PGGT1B: variants seen among roughly 807,000 people sequenced by gnomAD.
PGGT1B encodes protein geranylgeranyltransferase type I subunit beta, also known as geranylgeranyl transferase type-1 subunit beta.
PGGT1B carries 30 observed loss-of-function variants against 46.1 expected under a neutral mutation model. The observed-to-expected ratio is 0.65, with a 90% CI of 0.49 to 0.88. The LOEUF (loss-of-function observed/expected upper bound fraction) is 0.88. PGGT1B is among the 40% of genes least tolerant of loss of function. PGGT1B has a pLI of 0.00. For synonymous variants in PGGT1B, 170 were observed against 160.0 expected (o/e 1.06, Z -0.47); for missense variants, 376 against 455.9 (o/e 0.82, Z 1.60).
chr5:115,218,083 T>A (rs999343469), intron 7 of PGGT1B, among the ~76,000 whole-genome samples: 4 of 151,714 alleles, frequency 2.6e-5, no homozygotes, highest in Non-Finnish European at 5.9e-5. Flanking sequence ...TTATATAGCA[T>A]TGGAAGGTAG....
chr5:115,227,849 T>C (rs1756837077), intron 6 of PGGT1B, among the ~76,000 whole-genome samples: 1 of 152,198 alleles, frequency 6.6e-6, no homozygotes. Context: ...GTATGTAAAG[T>C]ATCAGATGGT....
rs1438211704 is a variant in PGGT1B at position 115,211,755 on chromosome 5, C to G, written c.*647G>C. The G allele has an allele frequency of 6.6e-6, 1 of 152,106 alleles. No individual in the cohort carries two copies. Among genetic ancestry groups the G allele is most frequent in the Non-Finnish European group, 1.5e-5 (1 of 68,002 alleles). 9.4% of individuals were successfully genotyped at this position (152,106 alleles called of 1,614,324 possible). The stretch of plus-strand genomic sequence containing the variant: ...AGTTAAGTTGCTTTTCCCTCAGTTA[C>G]ATAATAGTTGTCTTCAAACAATCTC... On this transcript the variant is annotated 3_prime_UTR_variant, in exon 9 of 9. Coordinates refer to ENST00000419445, the MANE Select transcript of PGGT1B (RefSeq NM_005023.4).
intron 1 of PGGT1B, 179 bp downstream of exon 1, chr5:115,262,533 G>C (rs1748606798): frequency 4.5e-6 from 3 of 669,104 alleles, no homozygotes; most frequent in African/African-American, 1.8e-5. Context: ...CAGCCTTCCA[G>C]ACCTTCCCAC....
intron 3 of PGGT1B, among the ~76,000 whole-genome samples, chr5:115,241,101 G>A (rs1019548021): frequency 3.3e-5 from 5 of 152,104 alleles, no homozygotes; most frequent in South Asian, 4.1e-4. Context: ...CCTTTAGAAG[G>A]GCTTTTTCTT....
intron 8 of PGGT1B, among the ~76,000 whole-genome samples, chr5:115,214,704 G>C (rs2126987187): frequency 6.6e-6 from 1 of 152,242 alleles, no homozygotes; most frequent in East Asian, 1.9e-4. Flanking sequence ...TCCGGAAAAA[G>C]CCTCAAGAAC....
chr5:115,255,057 A>T (rs1469079147), intron 1 of PGGT1B, among the ~76,000 whole-genome samples: 1 of 152,148 alleles, frequency 6.6e-6, no homozygotes. Flanking sequence ...AACTTTTCTA[A>T]TCAGCTTCCA....
At chr5:115,234,208 CAA>C (rs199987977) in intron 5 of PGGT1B, among the ~76,000 whole-genome samples, 2,759 of 71,670 alleles carry the variant, frequency 0.038, 80 homozygotes, top group African/African-American at 0.21. Context: ...GTGAAAAAAG[CAA>C]ACAGCAAAAA....
intron 1 of PGGT1B, among the ~76,000 whole-genome samples, chr5:115,258,630 GCAA>G (rs886718039): frequency 3.3e-5 from 5 of 151,986 alleles, no homozygotes; most frequent in Admixed American, 6.6e-5. Flanking sequence ...TTGTCCATTT[GCAA>G]CAACAACAAC....
At chr5:115,245,243 G>C (rs761567474) in intron 2 of PGGT1B, among the ~76,000 whole-genome samples, 10 of 152,182 alleles carry the variant, frequency 6.6e-5, no homozygotes, top group Non-Finnish European at 1.0e-4. Context: ...TAAAATATCT[G>C]CTTCTGAGTG....
At chr5:115,215,217 T>TC (rs1756377389) in intron 8 of PGGT1B, among the ~76,000 whole-genome samples, 1 of 152,118 alleles carries the variant, frequency 6.6e-6, no homozygotes, top group Admixed American at 6.6e-5. Flanking sequence ...AGGCTGGTCT[T>TC]CAACTCCTGA....
chr5:115,236,241 A>T, intron 5 of PGGT1B, 149 bp downstream of exon 5: 1 of 572,712 alleles, frequency 1.7e-6, no homozygotes, highest in Non-Finnish European at 3.1e-6. Context: ...TTATTTCTTT[A>T]TTGTGTTCTG....
In PGGT1B at chr5:115,212,690, T is replaced by G; in HGVS notation, c.953-107A>C. ...GCCCATCACTCCATTAAAAGTAAGT[T>G]TAGAGAAATGCTAATATAGTTTTAA... is the stretch of plus-strand genomic sequence containing the variant. On this transcript the variant is annotated intron_variant, in intron 8 of 8. Transcript: ENST00000419445. 4.3e-6 allele frequency: 3 copies of G among 695,200 alleles called. No homozygotes were observed. In the South Asian group the frequency reaches 7.3e-5, roughly 17 times the overall value. The allele number at this position is 695,200 out of a possible 1,614,324, so 43.1% of individuals were successfully genotyped here.
Position 115,228,699 on chromosome 5 carries a change from G to A in PGGT1B, c.658+2277C>T, listed in dbSNP as rs151337835. Among the ~76,000 whole-genome samples the A allele has an allele frequency of 2.9e-3, 440 of 151,990 alleles. 5 individuals are homozygous for A. The highest frequency in any genetic ancestry group is 0.01 in the African/African-American group (415 of 41,460). ...TTCAGAGAAAAGAAAGCTGAACTGAGGTAAAGAAGTGACAGGAAGAAACAA... is the reference window on the plus strand; with the variant it reads ...TTCAGAGAAAAGAAAGCTGAACTGAAGTAAAGAAGTGACAGGAAGAAACAA... On this transcript the variant is annotated intron_variant, in intron 6 of 8. Transcript: ENST00000419445.
chr5:115,245,215 CAT>C (rs907076560), intron 2 of PGGT1B, among the ~76,000 whole-genome samples: 1 of 152,140 alleles, frequency 6.6e-6, no homozygotes, highest in Admixed American at 6.5e-5. Flanking sequence ...TAGAGGCAGA[CAT>C]ATAGTAGTGG....
intron 6 of PGGT1B, among the ~76,000 whole-genome samples, chr5:115,223,708 T>C (rs367628293): frequency 1.3e-5 from 2 of 152,218 alleles, no homozygotes; most frequent in African/African-American, 4.8e-5. Context: ...TAAAATGTTA[T>C]GGCAGCGATA....
chr5:115,227,193 C>T (rs1306288775), intron 6 of PGGT1B, among the ~76,000 whole-genome samples: 2 of 152,134 alleles, frequency 1.3e-5, no homozygotes, highest in Non-Finnish European at 2.9e-5. Context: ...TGGGTTATGA[C>T]ACTTAACCTG....
intron 6 of PGGT1B, 53 bp downstream of exon 6, chr5:115,230,923 G>A: frequency 9.2e-7 from 1 of 1,087,682 alleles, no homozygotes; most frequent in Admixed American, 1.9e-5. Context: ...ACACCAAGAT[G>A]TTGTCTAAGG....
Position 115,258,961 on chromosome 5 carries a change from T to C in PGGT1B, c.140+3751A>G, listed in dbSNP as rs186353657. ...ATTTACAGTTCCCATAAAGTAAATT[T>C]CTAAGACCTTAGACGTTCTCTGCTG... On this transcript the variant is annotated intron_variant, in intron 1 of 8. Transcript: ENST00000419445. 3.8e-3 allele frequency among the ~76,000 whole-genome samples: 576 copies of C among 152,322 alleles called. 1 individual carries two copies. The highest frequency in any genetic ancestry group is 0.014 in the Middle Eastern group (4 of 292).
chr5:115,225,377 G>A (rs1277847849), intron 6 of PGGT1B, among the ~76,000 whole-genome samples: 1 of 148,586 alleles, frequency 6.7e-6, no homozygotes, highest in African/African-American at 2.4e-5. Context: ...GCAGGGTAAA[G>A]GAGGTGTTCC....
Sources: gnomAD v4.1 joint callset for allele counts (sites outside exome capture counted in the v4.1 genomes callset) on GRCh38, gnomAD v4.1.1 for gene constraint, MANE v1.5 for transcripts, NCBI Gene and HGNC (gene_info 2026-07-23, HGNC 2026-07-21) for gene names.